The following PTPRF variants were observed in gnomAD, a reference collection of about 807,000 sequenced individuals.
PTPRF encodes receptor-type tyrosine-protein phosphatase F.
PTPRF carries 59 observed loss-of-function variants against 201.8 expected under a neutral mutation model. The observed-to-expected ratio is 0.29, with a 90% CI of 0.24 to 0.36. The LOEUF is 0.36. Among genes scored for constraint, PTPRF ranks in the 10% least tolerant of loss-of-function variants. The pLI is 1.00. For missense variants in PTPRF, 2,132 were observed against 2,690.5 expected, an observed-to-expected ratio of 0.79 and a Z score of 4.59; for synonymous variants, 1,088 against 1,089.7, an observed-to-expected ratio of 1.00 and a Z score of 0.03.
chr1:43,530,278 A>C (rs1024523232), upstream of PTPRF, among the ~76,000 whole-genome samples: 1 of 151,986 alleles, frequency 6.6e-6, no homozygotes, highest in South Asian at 2.1e-4. The surrounding 1 kb of genome is among the most constrained non-coding windows in gnomAD (Gnocchi z 4.1). Flanking sequence ...GGGGTTCAGA[A>C]GAGAGATAAC....
chr1:43,546,154 C>T lies in PTPRF; in HGVS notation c.91+988C>T, dbSNP rs1303230339. On this transcript the variant is annotated intron_variant, in intron 3 of 33. Coordinates refer to ENST00000359947, the MANE Select transcript of PTPRF (RefSeq NM_002840.5). This position sits in a 1 kb window ranked among gnomAD's most constrained non-coding sequence, Gnocchi z 4.2. ...TGCCTCCGTATCTCTGGGTACAGAT[C>T]TCTCCCCTTGCCCCACCAGGGCTCT... 1.3e-5 allele frequency among the ~76,000 whole-genome samples: 2 copies of T among 152,192 alleles called. No individual in the cohort carries two copies. Among genetic ancestry groups the T allele is most frequent in the African/African-American group, 4.8e-5 (2 of 41,440 alleles).
At chr1:43,543,611 C>T (rs1644483195) in intron 2 of PTPRF, among the ~76,000 whole-genome samples, 1 of 152,220 alleles carries the variant, frequency 6.6e-6, no homozygotes, top group African/African-American at 2.4e-5. Flanking sequence ...CAACTGCTGC[C>T]TTCTGACCTC....
chr1:43,609,523 G>A, intron 22 of PTPRF, 25 bp downstream of exon 22: 1 of 1,585,638 alleles, frequency 6.3e-7, no homozygotes, highest in Non-Finnish European at 8.6e-7. Context: ...TGGCCTGTGT[G>A]CCCCCAGCCC....
intron 30 of PTPRF, 72 bp downstream of exon 30, chr1:43,620,293 G>A (rs561379298): frequency 7.6e-6 from 12 of 1,588,868 alleles, no homozygotes; most frequent in African/African-American, 6.7e-5. Context: ...GGGAGCTGCC[G>A]CCTATGTTAC....
rs200211457 is a variant in PTPRF at position 43,559,590 on chromosome 1, G to A, written c.379+5649G>A. 4.3e-4 allele frequency among the ~76,000 whole-genome samples: 5 copies of A among 11,678 alleles called. No individual in the cohort carries two copies. In the South Asian group the frequency reaches 5.0e-3, roughly 12 times the overall value. 7.7% of individuals were successfully genotyped at this position (11,678 alleles called of 152,430 possible). A position where few individuals can be genotyped will look rare whatever the true frequency, so the allele number is the denominator to read the frequency against. On this transcript the variant is annotated intron_variant, in intron 5 of 33. Transcript: ENST00000359947. ...GTGCAGTAGACTGTGTGCAGCAGGC[G>A]TGTGTGTGTGTACAGCAGGTGGTGT...
intron 11 of PTPRF, among the ~76,000 whole-genome samples, chr1:43,593,584 C>T (rs1011182199): frequency 8.5e-5 from 13 of 152,204 alleles, no homozygotes; most frequent in East Asian, 1.9e-4. Context: ...CATGTGATGA[C>T]CAGAAACATG....
intron 5 of PTPRF, among the ~76,000 whole-genome samples, chr1:43,569,020 G>C (rs1646380096): frequency 6.6e-6 from 1 of 152,238 alleles, no homozygotes; most frequent in Non-Finnish European, 1.5e-5. Context: ...ATCGGAGTTA[G>C]AAGGGGATCA....
In PTPRF at chr1:43,622,218, T is replaced by C. The variant is rs115324559; in HGVS notation, c.*215T>C. ...AGTGGATGGCCCAGCAGGCAGGCAC[T>C]GTGGCCCTTCTGTCCACCAGACCCA... On this transcript the variant is annotated 3_prime_UTR_variant, in exon 34 of 34. Transcript: ENST00000359947. 3.6e-3 allele frequency: 2,054 copies of C among 577,590 alleles called. 37 individuals are homozygous for C. In the African/African-American group the frequency reaches 0.036, roughly 10 times the overall value. The allele number at this position is 577,590 out of a possible 1,614,324, so 35.8% of individuals were successfully genotyped here.
intron 11 of PTPRF, among the ~76,000 whole-genome samples, chr1:43,595,854 G>C (rs141830075): frequency 6.6e-6 from 1 of 152,282 alleles, no homozygotes; most frequent in East Asian, 1.9e-4. Context: ...AAGGGAGCTG[G>C]AGGTCTGGGG....
In PTPRF at chr1:43,603,167, G is replaced by T. The variant is rs1327054110; in HGVS notation, c.2341-249G>T. On this transcript the variant is annotated intron_variant, in intron 14 of 33. Coordinates refer to ENST00000359947, the MANE Select transcript of PTPRF (RefSeq NM_002840.5). This position sits in a 1 kb window ranked among gnomAD's most constrained non-coding sequence, Gnocchi z 5.8. The stretch of plus-strand genomic sequence containing the variant: ...GGAAACAGTCTGGCCCTTTGTTCTT[G>T]TCTGAAAAGAATAATGAGCTGTCTG... Among the ~76,000 whole-genome samples, 1 of 152,164 alleles carries T rather than the reference G, an allele frequency of 6.6e-6. No homozygotes were observed. Among genetic ancestry groups the T allele is most frequent in the Non-Finnish European group, 1.5e-5 (1 of 68,008 alleles).
At chr1:43,577,935 G>A (rs1229607700) in intron 6 of PTPRF, among the ~76,000 whole-genome samples, 1 of 152,180 alleles carries the variant, frequency 6.6e-6, no homozygotes, top group Non-Finnish European at 1.5e-5. Flanking sequence ...GTTTATTGGT[G>A]GGGCCAGGGG....
At chr1:43,560,158 G>T (rs1295073705) in intron 5 of PTPRF, among the ~76,000 whole-genome samples, 1 of 132,366 alleles carries the variant, frequency 7.6e-6, no homozygotes, top group Admixed American at 7.5e-5. Context: ...CAGTGCATTT[G>T]TGTGCATGCA....
Position 43,537,112 on chromosome 1 carries a change from C to G in PTPRF, c.-125-1086C>G, listed in dbSNP as rs1445003623. 2.0e-5 allele frequency among the ~76,000 whole-genome samples: 3 copies of G among 152,126 alleles called. No homozygotes were observed. The highest frequency in any genetic ancestry group is 4.4e-5 in the Non-Finnish European group (3 of 68,012). On this transcript the variant is annotated intron_variant, in intron 1 of 33. Transcript: ENST00000359947. This position sits in a 1 kb window ranked among gnomAD's most constrained non-coding sequence, Gnocchi z 4.8. Reference sequence around the variant, plus strand: ...GGGGCTTGAGGTGAGAAGCCTGCTGCAAGGTGCAGCTTGCGTCGAGTAGGC... The same window carrying G: ...GGGGCTTGAGGTGAGAAGCCTGCTGGAAGGTGCAGCTTGCGTCGAGTAGGC...
chr1:43,608,469 G>T (rs1655670327), intron 21 of PTPRF, among the ~76,000 whole-genome samples: 1 of 152,188 alleles, frequency 6.6e-6, no homozygotes, highest in Non-Finnish European at 1.5e-5. Context: ...AGTCAGCTCA[G>T]CAGGCTCCCT....
intron 2 of PTPRF, among the ~76,000 whole-genome samples, chr1:43,538,693 T>C (rs1232305392): frequency 6.6e-6 from 1 of 152,238 alleles, no homozygotes; most frequent in East Asian, 1.9e-4. Flanking sequence ...ATCTTTCTTC[T>C]GCTTCTCCAT....
In PTPRF at chr1:43,622,007, C is replaced by T. The variant is rs1380633934; in HGVS notation, c.*4C>T. ...CTTTGACCACTATGCAACGTAACTA[C>T]CGCTCCCCTCTCCTCCGCCACCCCC... On this transcript the variant is annotated 3_prime_UTR_variant, in exon 34 of 34. Coordinates refer to ENST00000359947, the MANE Select transcript of PTPRF (RefSeq NM_002840.5). 1 of 1,613,954 alleles carries T rather than the reference C, an allele frequency of 6.2e-7. No homozygotes were observed. Among genetic ancestry groups the T allele is most frequent in the South Asian group, 1.1e-5 (1 of 91,084 alleles).
chr1:43,617,584 G>T lies in PTPRF; in HGVS notation c.4195+16G>T, dbSNP rs1658178220. On this transcript the variant is annotated intron_variant, in intron 24 of 33. Coordinates refer to ENST00000359947, the MANE Select transcript of PTPRF (RefSeq NM_002840.5). ...TCTATCGATGGTGAGCCAAGGGGGT[G>T]CCCCTCCCATCCCCTTGCTCTCCCC... 1 of 1,613,590 alleles carries T rather than the reference G, an allele frequency of 6.2e-7. No individual in the cohort carries two copies. The highest frequency in any genetic ancestry group is 8.5e-7 in the Non-Finnish European group (1 of 1,179,878).
At chr1:43,550,558 G>A (rs1426229348) in intron 3 of PTPRF, among the ~76,000 whole-genome samples, 1 of 152,234 alleles carries the variant, frequency 6.6e-6, no homozygotes, top group East Asian at 1.9e-4. Flanking sequence ...CTGGGTGCCA[G>A]GAACTGGGTC....
rs1659463324 is a variant in PTPRF at position 43,622,776 on chromosome 1, A to G, written c.*773A>G. 1 of 152,668 alleles carries G rather than the reference A, an allele frequency of 6.6e-6. No individual in the cohort carries two copies. The highest frequency in any genetic ancestry group is 1.5e-5 in the Non-Finnish European group (1 of 68,048). 9.5% of individuals were successfully genotyped at this position (152,668 alleles called of 1,614,324 possible). ...AGTGTGTGTTTAACATTCACAGCCC[A>G]GAACCACAGATGTGTCTGGGAGAGC... On this transcript the variant is annotated 3_prime_UTR_variant, in exon 34 of 34. Transcript: ENST00000359947.
Sources: allele counts gnomAD v4.1 joint callset (sites outside exome capture counted in the v4.1 genomes callset), GRCh38; gene constraint gnomAD v4.1.1; non-coding constraint Gnocchi (gnomAD v3.1); transcripts MANE v1.5; gene names NCBI Gene and HGNC (gene_info 2026-07-23, HGNC 2026-07-21).